Variants in ITPK1 observed in about 807,000 individuals in gnomAD.
ITPK1 encodes inositol 1,3,4-trisphosphate 5/6-kinase.
In ITPK1, 21 loss-of-function variants were observed where a neutral mutation model predicts 45.3. That is an observed-to-expected ratio of 0.46 (90% CI 0.33 to 0.67). The LOEUF is 0.67. ITPK1 is among the 30% of genes least tolerant of loss of function. The pLI is 0.02. For synonymous variants in ITPK1, 258 were observed against 253.6 expected (o/e 1.02, Z -0.16); for missense variants, 474 against 573.5 (o/e 0.83, Z 1.77).
intron 8 of ITPK1, among the ~76,000 whole-genome samples, chr14:92,952,965 C>T (rs969530554): frequency 2.6e-5 from 4 of 152,256 alleles, no homozygotes; most frequent in Non-Finnish European, 5.9e-5. Context: ...ACGGGACCGT[C>T]CTGGGCCGCC....
intron 4 of ITPK1, among the ~76,000 whole-genome samples, chr14:93,000,081 T>C (rs4905025): frequency 0.24 from 36,055 of 152,188 alleles, 4,543 homozygotes; most frequent in East Asian, 0.31. Context: ...GGCAGTGCTT[T>C]GTTCTTCTTT....
At chr14:93,104,513 A>T (rs1698816333) in intron 2 of ITPK1, among the ~76,000 whole-genome samples, 1 of 152,042 alleles carries the variant, frequency 6.6e-6, no homozygotes, top group East Asian at 1.9e-4. Flanking sequence ...GATCGACGGC[A>T]GCTGGATGCT....
At chr14:93,073,689 C>T (rs1376316941) in intron 3 of ITPK1, among the ~76,000 whole-genome samples, 1 of 152,178 alleles carries the variant, frequency 6.6e-6, no homozygotes, top group Non-Finnish European at 1.5e-5. Context: ...AATGGAGAAC[C>T]TATGAACATG....
In ITPK1 at chr14:93,014,229, G is replaced by A. The variant is rs1365382583; in HGVS notation, c.246+2447C>T. 6.6e-6 allele frequency among the ~76,000 whole-genome samples: 1 copy of A among 152,134 alleles called. No homozygotes were observed. Among genetic ancestry groups the A allele is most frequent in the African/African-American group, 2.4e-5 (1 of 41,418 alleles). On this transcript the variant is annotated intron_variant, in intron 4 of 10. Transcript: ENST00000267615. This position sits in a 1 kb window ranked among gnomAD's most constrained non-coding sequence, Gnocchi z 4.4. Reference sequence around the variant, plus strand: ...CTGAGAAATGCACCTGTGGCTGCCTGACAGCCTTAAGCCACAAGGCCCCAT... The same window carrying A: ...CTGAGAAATGCACCTGTGGCTGCCTAACAGCCTTAAGCCACAAGGCCCCAT...
At chr14:92,997,869 G>C (rs1566724686) in intron 4 of ITPK1, among the ~76,000 whole-genome samples, 1 of 152,190 alleles carries the variant, frequency 6.6e-6, no homozygotes, top group Non-Finnish European at 1.5e-5. Flanking sequence ...CTCTCTCAGG[G>C]TTTTCAGAGG....
intron 2 of ITPK1, among the ~76,000 whole-genome samples, chr14:93,083,303 C>A (rs1191572388): frequency 6.6e-6 from 1 of 152,146 alleles, no homozygotes; most frequent in African/African-American, 2.4e-5. Context: ...CCATGACCAG[C>A]AGCAGGCATG....
Position 93,016,721 on chromosome 14 carries a change from G to A in ITPK1, c.201C>T (p.Ala67=), listed in dbSNP as rs143456829. 4,970 of 1,614,082 alleles carry A rather than the reference G, an allele frequency of 3.1e-3. 12 individuals are homozygous for A. The highest frequency in any genetic ancestry group is 4.0e-3 in the Non-Finnish European group (4,686 of 1,179,974). The stretch of plus-strand genomic sequence containing the variant: ...CCAGGGACTGGCTATCATTCTGGTC[G>A]GCTTCAAGGATGACGTCAGTCAGCT... The part of the protein sequence containing the change: ...IHKLTDVILE[A]DQNDSQSLEL... Residue 67 remains alanine, a synonymous_variant, in exon 4 of 11, where the codon GCC becomes GCT. Coordinates refer to ENST00000267615, the MANE Select transcript of ITPK1 (RefSeq NM_014216.6). The surrounding 1 kb of genome is among the most constrained non-coding windows in gnomAD (Gnocchi z 5.0).
intron 3 of ITPK1, among the ~76,000 whole-genome samples, chr14:93,030,197 AAAT>A (rs1275855433): frequency 6.6e-6 from 1 of 152,240 alleles, no homozygotes; most frequent in Non-Finnish European, 1.5e-5. Context: ...GAATGTGCAA[AAAT>A]AAAATGAGGT....
intron 9 of ITPK1, among the ~76,000 whole-genome samples, chr14:92,949,167 C>G (rs574958875): frequency 2.0e-5 from 3 of 152,064 alleles, no homozygotes; most frequent in African/African-American, 7.2e-5. Context: ...GATCACAACT[C>G]ACCGCAGCCT....
chr14:93,091,264 C>T lies in ITPK1; in HGVS notation c.96-14645G>A, dbSNP rs566083655. ...AGCGTCAGCCCAACAAATGTTTTCC[C>T]GTCAGTACAGAATACTCAGGCCCCT... is the stretch of plus-strand genomic sequence containing the variant. On this transcript the variant is annotated intron_variant, in intron 2 of 10. Transcript: ENST00000267615. Among the ~76,000 whole-genome samples the T allele has an allele frequency of 2.0e-5, 3 of 152,294 alleles. No homozygotes were observed. The South Asian group carries it at 6.2e-4, about 32-fold the overall frequency.
In ITPK1 at chr14:93,016,958, CA is replaced by C. The variant is rs1409083809; in HGVS notation, c.121-158del. ...AGGAGGAGGGCTGACATGGAAAATA[CA>C]GACAGGACAAGCAGGACAAACCCTC... On this transcript the variant is annotated intron_variant, in intron 3 of 10. Transcript: ENST00000267615. The surrounding 1 kb of genome is among the most constrained non-coding windows in gnomAD (Gnocchi z 5.0). Among the ~76,000 whole-genome samples, 1 of 152,184 alleles carries C rather than the reference CA, an allele frequency of 6.6e-6. No individual in the cohort carries two copies. Among genetic ancestry groups the C allele is most frequent in the African/African-American group, 2.4e-5 (1 of 41,442 alleles).
intron 5 of ITPK1, among the ~76,000 whole-genome samples, chr14:92,967,654 A>C (rs1885446384): frequency 6.6e-6 from 1 of 152,278 alleles, no homozygotes; most frequent in Middle Eastern, 3.2e-3. Flanking sequence ...GCAACAATCC[A>C]GAAGTCCATC....
intron 2 of ITPK1, among the ~76,000 whole-genome samples, chr14:93,091,923 C>T (rs1891881607): frequency 1.3e-5 from 2 of 152,226 alleles, no homozygotes; most frequent in African/African-American, 4.8e-5. Flanking sequence ...GCACTCGGAC[C>T]TCAGCTGCTG....
In ITPK1 at chr14:93,036,568, C is replaced by A. The variant is rs1889329806; in HGVS notation, c.121-19767G>T. 6.6e-6 allele frequency among the ~76,000 whole-genome samples: 1 copy of A among 151,740 alleles called. No homozygotes were observed. Among genetic ancestry groups the A allele is most frequent in the Non-Finnish European group, 1.5e-5 (1 of 67,924 alleles). On this transcript the variant is annotated intron_variant, in intron 3 of 10. Transcript: ENST00000267615. The surrounding 1 kb of genome is among the most constrained non-coding windows in gnomAD (Gnocchi z 4.1). The stretch of plus-strand genomic sequence containing the variant: ...GTGGCAGCCTCTCCACACCCCCTAA[C>A]CCCCAGCCACTCTCCCCGGCGTTCT...
chr14:93,109,965 C>T (rs573669038), intron 2 of ITPK1, among the ~76,000 whole-genome samples: 1 of 152,172 alleles, frequency 6.6e-6, no homozygotes, highest in African/African-American at 2.4e-5. Flanking sequence ...CAGCAGCGGC[C>T]GCCGCCACTG....
At chr14:92,941,952 C>T (rs372548612) in intron 10 of ITPK1, 48 bp from the exon 11 acceptor site, 122 of 1,541,166 alleles carry the variant, frequency 7.9e-5, no homozygotes, top group Non-Finnish European at 9.7e-5. Flanking sequence ...CAGGGGCACG[C>T]ATCATGCAGG....
At position 92,966,536 on chromosome 14, in the gene ITPK1, C is replaced by T. The variant is rs1041723164; in HGVS notation, c.365-3687G>A. 2.0e-5 allele frequency among the ~76,000 whole-genome samples: 3 copies of T among 152,136 alleles called. No individual in the cohort carries two copies. The South Asian group carries it at 6.2e-4, about 31-fold the overall frequency. ...CAATACTCCCAAATTGATCTATAGA[C>T]TCAATATGATAGCCATCAAAACTAC... is the stretch of plus-strand genomic sequence containing the variant. On this transcript the variant is annotated intron_variant, in intron 5 of 10. Coordinates refer to ENST00000267615, the MANE Select transcript of ITPK1 (RefSeq NM_014216.6).
In ITPK1 at chr14:93,036,486, G is replaced by A. The variant is rs191791164; in HGVS notation, c.121-19685C>T. On this transcript the variant is annotated intron_variant, in intron 3 of 10. Transcript: ENST00000267615. This position sits in a 1 kb window ranked among gnomAD's most constrained non-coding sequence, Gnocchi z 4.1. ...CAATGACAAACACGTGACCTCCTCC[G>A]AGAGGCTGGTGGGAGCACGTGCCCC... Among the ~76,000 whole-genome samples the A allele has an allele frequency of 2.4e-4, 36 of 152,140 alleles. No individual in the cohort carries two copies. The highest frequency in any genetic ancestry group is 7.7e-4 in the African/African-American group (32 of 41,506).
intron 3 of ITPK1, among the ~76,000 whole-genome samples, chr14:93,054,139 C>T (rs1268146761): frequency 6.6e-6 from 1 of 152,218 alleles, no homozygotes; most frequent in Non-Finnish European, 1.5e-5. Flanking sequence ...CTGGGATTCA[C>T]CCCACTTAGA....
Sources: gnomAD v4.1 joint callset for allele counts (sites outside exome capture counted in the v4.1 genomes callset) on GRCh38, gnomAD v4.1.1 for gene constraint, Gnocchi (gnomAD v3.1) non-coding constraint, MANE v1.5 for transcripts, NCBI Gene and HGNC (gene_info 2026-07-23, HGNC 2026-07-21) for gene names.